The following AKT3 variants were observed in gnomAD, a reference collection of about 807,000 sequenced individuals.
The protein encoded by AKT3 is RAC-gamma serine/threonine-protein kinase.
AKT3 carries 15 observed loss-of-function variants against 65.3 expected under a neutral mutation model. That is an observed-to-expected ratio of 0.23 (90% confidence interval 0.15 to 0.35). The LOEUF (loss-of-function observed/expected upper bound fraction) is 0.35, where lower values mean the gene tolerates loss of function less well. Among genes scored for constraint, AKT3 ranks in the 10% least tolerant of loss-of-function variants. The pLI, the probability that AKT3 is intolerant of heterozygous loss-of-function variation, is 1.00. For synonymous variants in AKT3, 206 were observed against 183.8 expected, an observed-to-expected ratio of 1.12 and a Z score of -0.98; for missense variants, 243 against 576.5, an observed-to-expected ratio of 0.42 and a Z score of 5.92.
At chr1:243,711,013 T>G (rs1021074185) in intron 2 of AKT3, among the ~76,000 whole-genome samples, 5 of 152,208 alleles carry the variant, frequency 3.3e-5, no homozygotes, top group Non-Finnish European at 7.3e-5. Flanking sequence ...AAAAATAATT[T>G]TGTAGAACAA....
At chr1:243,635,318 T>C (rs1679895220) in intron 6 of AKT3, among the ~76,000 whole-genome samples, 1 of 151,758 alleles carries the variant, frequency 6.6e-6, no homozygotes, top group South Asian at 2.1e-4. Flanking sequence ...CATAAATGCT[T>C]ATACTAAATA....
chr1:243,670,125 T>TA (rs1344618785), intron 3 of AKT3, among the ~76,000 whole-genome samples: 8 of 152,198 alleles, frequency 5.3e-5, no homozygotes, highest in African/African-American at 9.6e-5. Context: ...GTGAACCCTC[T>TA]AGTCCAACAA....
intron 4 of AKT3, among the ~76,000 whole-genome samples, chr1:243,660,175 T>C (rs1458104975): frequency 6.6e-6 from 1 of 152,154 alleles, no homozygotes; most frequent in East Asian, 1.9e-4. Flanking sequence ...ATTGGTCTAT[T>C]CAGAGATTCA....
Position 243,730,227 on chromosome 1 carries a change from T to C in AKT3, c.47-34511A>G, listed in dbSNP as rs1461027011. Among the ~76,000 whole-genome samples, 3 of 152,150 alleles carry C rather than the reference T, an allele frequency of 2.0e-5. No individual in the cohort carries two copies. In the East Asian group the frequency reaches 5.8e-4, roughly 29 times the overall value. On this transcript the variant is annotated intron_variant, in intron 2 of 13. Transcript: ENST00000673466. The stretch of plus-strand genomic sequence containing the variant: ...ACACACTTCCTCCATTTTGAGCCCA[T>C]AAAAACCCCAGCTTCAGCTGGACTC...
At chr1:243,566,126 A>G (rs1674139102) in intron 9 of AKT3, among the ~76,000 whole-genome samples, 1 of 152,168 alleles carries the variant, frequency 6.6e-6, no homozygotes, top group Non-Finnish European at 1.5e-5. Flanking sequence ...TGACAAAGCT[A>G]TTTTTGAAGT....
At chr1:243,537,583 A>C (rs554224281) in intron 12 of AKT3, among the ~76,000 whole-genome samples, 20 of 152,292 alleles carry the variant, frequency 1.3e-4, no homozygotes, top group Admixed American at 1.0e-3. Flanking sequence ...GTATTACTGC[A>C]GTAGTCTCTT....
chr1:243,516,093 A>G (rs1011407873), intron 12 of AKT3, among the ~76,000 whole-genome samples: 3 of 152,212 alleles, frequency 2.0e-5, no homozygotes, highest in African/African-American at 2.4e-5. Context: ...AGAACTGATA[A>G]TATTCCTTAA....
intron 4 of AKT3, among the ~76,000 whole-genome samples, chr1:243,656,114 G>T (rs528028320): frequency 6.7e-6 from 1 of 148,908 alleles, no homozygotes; most frequent in East Asian, 2.0e-4. Flanking sequence ...GGGGGGGTGT[G>T]GGGGGGTAAT....
chr1:243,557,705 T>C (rs921617157), intron 10 of AKT3, among the ~76,000 whole-genome samples: 2 of 152,062 alleles, frequency 1.3e-5, no homozygotes, highest in African/African-American at 2.4e-5. Context: ...ATTCTAACTA[T>C]AGAGCAGACA....
chr1:243,633,141 C>G (rs1679731189), intron 6 of AKT3, among the ~76,000 whole-genome samples: 1 of 152,090 alleles, frequency 6.6e-6, no homozygotes, highest in Admixed American at 6.5e-5. Flanking sequence ...AAGCAAGAAT[C>G]CAGCAAAACT....
chr1:243,600,021 T>C (rs1326204244), intron 8 of AKT3, among the ~76,000 whole-genome samples: 1 of 152,040 alleles, frequency 6.6e-6, no homozygotes, highest in African/African-American at 2.4e-5. Context: ...CAACTACAAA[T>C]TGAAATTTTT....
intron 2 of AKT3, among the ~76,000 whole-genome samples, chr1:243,743,163 C>A (rs895586465): frequency 2.6e-5 from 4 of 152,218 alleles, no homozygotes; most frequent in African/African-American, 9.6e-5. Flanking sequence ...CTCTAAAATA[C>A]TGCTCAAGAA....
intron 6 of AKT3, among the ~76,000 whole-genome samples, chr1:243,632,963 C>T (rs1435980771): frequency 1.3e-5 from 2 of 152,192 alleles, no homozygotes; most frequent in African/African-American, 4.8e-5. Context: ...GTTTGAACTT[C>T]TATCAAGACC....
At chr1:243,548,766 C>T (rs887425578) in intron 11 of AKT3, among the ~76,000 whole-genome samples, 7 of 152,148 alleles carry the variant, frequency 4.6e-5, no homozygotes, top group Non-Finnish European at 4.4e-5. Flanking sequence ...CTATCAACTC[C>T]GCATAGGAAG....
chr1:243,718,426 G>A (rs756470313), intron 2 of AKT3, among the ~76,000 whole-genome samples: 21 of 151,786 alleles, frequency 1.4e-4, no homozygotes, highest in Non-Finnish European at 5.9e-5. Context: ...GCTATCTAAA[G>A]CCACAAACAT....
intron 12 of AKT3, among the ~76,000 whole-genome samples, chr1:243,520,185 G>C (rs1338983789): frequency 6.6e-6 from 1 of 152,128 alleles, no homozygotes; most frequent in Non-Finnish European, 1.5e-5. Context: ...TGAGATATCA[G>C]GATATGTCTT....
At chr1:243,496,375 C>G (rs1358380015), downstream of AKT3, among the ~76,000 whole-genome samples, 2 of 152,166 alleles carry the variant, frequency 1.3e-5, no homozygotes, top group African/African-American at 4.8e-5. Context: ...AGGGGCTGCC[C>G]TGGAGCTCTG....
At chr1:243,544,708 T>G (rs1672545054) in intron 12 of AKT3, among the ~76,000 whole-genome samples, 2 of 148,732 alleles carry the variant, frequency 1.3e-5, no homozygotes, top group African/African-American at 5.1e-5. Flanking sequence ...GTTTTTTGTT[T>G]TTTTTTTTTT....
chr1:243,658,825 C>T (rs1362220935), intron 4 of AKT3, among the ~76,000 whole-genome samples: 1 of 147,018 alleles, frequency 6.8e-6, no homozygotes, highest in Non-Finnish European at 1.5e-5. Context: ...GCCAGGAGTT[C>T]CAGACAAGCC....
Sources: allele counts gnomAD v4.1 joint callset (sites outside exome capture counted in the v4.1 genomes callset), GRCh38; gene constraint gnomAD v4.1.1; transcripts MANE v1.5; gene names NCBI Gene and HGNC (gene_info 2026-07-23, HGNC 2026-07-21).